The following LRRC37A2 variants were observed in gnomAD, a reference collection of about 807,000 sequenced individuals.
LRRC37A2 encodes leucine rich repeat containing 37 member A2, also known as leucine-rich repeat-containing protein 37A2.
Under a neutral mutation model 68.8 loss-of-function variants are expected in LRRC37A2, and 9 were observed. That is an observed-to-expected ratio of 0.13 (90% confidence interval 0.08 to 0.23). The LOEUF is 0.23. LRRC37A2 is among the 10% of genes least tolerant of loss of function. The pLI, the probability that LRRC37A2 is intolerant of heterozygous loss-of-function variation, is 1.00. For missense variants in LRRC37A2, 168 were observed against 950.4 expected, an observed-to-expected ratio of 0.18 and a Z score of 10.82; for synonymous variants, 63 against 367.6, an observed-to-expected ratio of 0.17 and a Z score of 9.48.
At chr17:46,875,212 C>T in the LRRC37A2 span, 27 of 1,614,168 alleles carry the variant, frequency 1.7e-5, no homozygotes, top group Middle Eastern at 1.6e-4. Flanking sequence ...GATGACTCTC[C>T]GGGGCTGGAG....
At chr17:46,884,908 T>C in the LRRC37A2 span, 1 of 339,926 alleles carries the variant, frequency 2.9e-6, no homozygotes, top group Non-Finnish European at 5.8e-6. Flanking sequence ...GGTTCAAATA[T>C]CTCCAGTGAA....
downstream of LRRC37A2, chr17:46,559,084 G>A (rs985494343): frequency 1.3e-5 from 1 of 76,638 alleles, no homozygotes; most frequent in Non-Finnish European, 2.3e-5. Context: ...AGGGCGCTGA[G>A]GGTGGGAGAG....
chr17:46,502,982 G>A, the LRRC37A2 span, among the ~76,000 whole-genome samples: 1 of 150,702 alleles, frequency 6.6e-6, no homozygotes, highest in Non-Finnish European at 1.5e-5. Flanking sequence ...GGAGGCTGAG[G>A]TGGGTGGATC....
chr17:46,948,967 G>A, the LRRC37A2 span: 67,691 of 152,122 alleles, frequency 0.44, 15,309 homozygotes, highest in South Asian at 0.52. Context: ...CCCACCAGGT[G>A]CCAGTCACGG....
the LRRC37A2 span, among the ~76,000 whole-genome samples, chr17:46,823,561 G>GC: frequency 7.9e-5 from 12 of 151,868 alleles, no homozygotes; most frequent in African/African-American, 2.9e-4. Flanking sequence ...TGCCTCCGCC[G>GC]CTCAAGTAGC....
At chr17:46,823,187 AT>A in the LRRC37A2 span, among the ~76,000 whole-genome samples, 6 of 128,620 alleles carry the variant, frequency 4.7e-5, no homozygotes, top group Non-Finnish European at 3.1e-5. Flanking sequence ...TATATAATAT[AT>A]TATATATATT....
At chr17:46,820,364 G>A in the LRRC37A2 span, among the ~76,000 whole-genome samples, 17 of 152,206 alleles carry the variant, frequency 1.1e-4, no homozygotes, top group South Asian at 3.1e-3. Context: ...GGAGGAAAAG[G>A]AGAATCCGAG....
the LRRC37A2 span, among the ~76,000 whole-genome samples, chr17:46,983,289 C>CTTTTTTT: frequency 2.0e-3 from 152 of 76,848 alleles, no homozygotes; most frequent in East Asian, 3.2e-3. Context: ...GCCCTTTCTT[C>CTTTTTTT]TTTTTTTTTT....
chr17:46,851,713 C>A, the LRRC37A2 span: 1 of 1,299,934 alleles, frequency 7.7e-7, no homozygotes, highest in Non-Finnish European at 9.7e-7. The surrounding 1 kb of genome is among the most constrained non-coding windows in gnomAD (Gnocchi z 4.3). Context: ...CCTCCTACTT[C>A]GGGTCAGTGC....
the LRRC37A2 span, chr17:46,876,352 G>C: frequency 1.2e-6 from 2 of 1,614,124 alleles, no homozygotes; most frequent in Non-Finnish European, 1.7e-6. Flanking sequence ...AGACGGGCCA[G>C]GTGCTGAAAC....
At chr17:46,866,217 C>T in the LRRC37A2 span, among the ~76,000 whole-genome samples, 1,842 of 152,176 alleles carry the variant, frequency 0.012, 33 homozygotes, top group African/African-American at 0.041. Flanking sequence ...TGGTGTTGAG[C>T]AGCCACCCTC....
At chr17:46,961,127 G>A in the LRRC37A2 span, among the ~76,000 whole-genome samples, 8 of 152,198 alleles carry the variant, frequency 5.3e-5, no homozygotes, top group South Asian at 2.1e-4. Flanking sequence ...TGATTTTGCC[G>A]AGGATAAAGG....
At chr17:47,026,116 C>T in the LRRC37A2 span, among the ~76,000 whole-genome samples, 1 of 151,368 alleles carries the variant, frequency 6.6e-6, no homozygotes, top group African/African-American at 2.4e-5. Flanking sequence ...GGAAAAAATG[C>T]CTTCAATTTG....
chr17:46,907,696 C>A, the LRRC37A2 span, among the ~76,000 whole-genome samples: 38 of 122,098 alleles, frequency 3.1e-4, no homozygotes, highest in Admixed American at 8.4e-4. Flanking sequence ...AAACAAAAAA[C>A]CCAAAATTAA....
chr17:46,845,707 C>G, the LRRC37A2 span, among the ~76,000 whole-genome samples: 4 of 150,982 alleles, frequency 2.6e-5, no homozygotes, highest in East Asian at 7.8e-4. Context: ...CCAGGCTGCT[C>G]TCAAACTCCT....
chr17:46,980,386 T>C, the LRRC37A2 span, among the ~76,000 whole-genome samples: 3 of 151,872 alleles, frequency 2.0e-5, no homozygotes, highest in Non-Finnish European at 4.4e-5. Flanking sequence ...TTCTCTTCTT[T>C]CTTTCTCTTC....
the LRRC37A2 span, among the ~76,000 whole-genome samples, chr17:46,958,393 A>T: frequency 1.3e-5 from 2 of 152,234 alleles, no homozygotes; most frequent in Non-Finnish European, 2.9e-5. Flanking sequence ...AGCAAAGAAG[A>T]CTGGGGGTGG....
At chr17:46,715,594 G>T in the LRRC37A2 span, among the ~76,000 whole-genome samples, 14 of 152,170 alleles carry the variant, frequency 9.2e-5, no homozygotes, top group African/African-American at 3.4e-4. Context: ...AGATGTGGGT[G>T]GATGGTCCTA....
At chr17:46,940,859 A>AT in the LRRC37A2 span, 1 of 1,432,296 alleles carries the variant, frequency 7.0e-7, no homozygotes, top group Non-Finnish European at 9.1e-7. Context: ...ACCCAGGGGC[A>AT]TTGAGACTGC....
Sources: gnomAD v4.1 joint callset for allele counts (sites outside exome capture counted in the v4.1 genomes callset) on GRCh38, gnomAD v4.1.1 for gene constraint, Gnocchi (gnomAD v3.1) non-coding constraint, MANE v1.5 for transcripts, NCBI Gene and HGNC (gene_info 2026-07-23, HGNC 2026-07-21) for gene names.